Variants in SNW1 observed in about 807,000 individuals in gnomAD.
The protein encoded by SNW1 is SNW domain containing 1.
In SNW1, 9 loss-of-function variants were observed where a neutral mutation model predicts 75.6. That is an observed-to-expected ratio of 0.12 (90% CI 0.07 to 0.21). The LOEUF (loss-of-function observed/expected upper bound fraction) is 0.21, where lower values mean the gene tolerates loss of function less well. SNW1 is among the 10% of genes least tolerant of loss of function. SNW1 has a pLI of 1.00. For missense variants in SNW1, 409 were observed against 670.9 expected (o/e 0.61, Z 4.31); for synonymous variants, 200 against 219.1 (o/e 0.91, Z 0.77).
At chr14:77,740,262 C>G (rs549476224) in intron 3 of SNW1, among the ~76,000 whole-genome samples, 18 of 149,824 alleles carry the variant, frequency 1.2e-4, no homozygotes, top group Non-Finnish European at 1.5e-4. Context: ...TTATAAATAT[C>G]AAAGAAAATC....
intron 2 of SNW1, among the ~76,000 whole-genome samples, chr14:77,753,579 CA>C (rs1297038639): frequency 6.6e-6 from 1 of 152,080 alleles, no homozygotes; most frequent in African/African-American, 2.4e-5. Flanking sequence ...AAAAAAGCAA[CA>C]AAAAGACCTA....
chr14:77,737,991 CAAAA>C (rs35896717), intron 5 of SNW1, among the ~76,000 whole-genome samples: 2 of 74,164 alleles, frequency 2.7e-5, no homozygotes, highest in Non-Finnish European at 4.7e-5. Context: ...GACTCCATCT[CAAAA>C]AAAAAAAAAA....
chr14:77,745,242 T>C (rs79215214), intron 3 of SNW1, among the ~76,000 whole-genome samples: 3,163 of 152,156 alleles, frequency 0.021, 102 homozygotes, highest in African/African-American at 0.07. Context: ...CACCCTGGAA[T>C]AGTGAAGAGT....
At chr14:77,733,766 A>C (rs1223021686) in intron 8 of SNW1, among the ~76,000 whole-genome samples, 2 of 148,552 alleles carry the variant, frequency 1.3e-5, no homozygotes, top group Non-Finnish European at 1.5e-5. Context: ...AAAAAAAAAA[A>C]AACCAAAGAA....
intron 3 of SNW1, among the ~76,000 whole-genome samples, chr14:77,750,235 T>C (rs2139928300): frequency 6.6e-6 from 1 of 151,984 alleles, no homozygotes; most frequent in East Asian, 1.9e-4. Flanking sequence ...AAAAAAAGAT[T>C]AGGCTTAGAC....
chr14:77,754,889 CATTTAA>C, intron 2 of SNW1, 72 bp downstream of exon 2: 1 of 1,287,198 alleles, frequency 7.8e-7, no homozygotes. Flanking sequence ...GAGGTTCTAA[CATTTAA>C]ATTTATGTTA....
At chr14:77,753,581 A>G (rs1400010112) in intron 2 of SNW1, among the ~76,000 whole-genome samples, 1 of 152,156 alleles carries the variant, frequency 6.6e-6, no homozygotes, top group Admixed American at 6.5e-5. Context: ...AAAAGCAACA[A>G]AAAGACCTAC....
chr14:77,746,989 A>G (rs1196101312), intron 3 of SNW1, among the ~76,000 whole-genome samples: 1 of 140,210 alleles, frequency 7.1e-6, no homozygotes, highest in African/African-American at 2.7e-5. Context: ...CTGTGCTGCC[A>G]CCATCTCGGC....
At chr14:77,729,926 A>G (rs78805426) in intron 10 of SNW1, among the ~76,000 whole-genome samples, 5,522 of 152,244 alleles carry the variant, frequency 0.036, 146 homozygotes, top group South Asian at 0.054. Flanking sequence ...AGGGCCATAC[A>G]TGATCTGGCC....
At chr14:77,723,647 G>A (rs1007919402) in intron 10 of SNW1, among the ~76,000 whole-genome samples, 7 of 152,194 alleles carry the variant, frequency 4.6e-5, no homozygotes, top group Admixed American at 1.3e-4. Flanking sequence ...ACTGCACTCA[G>A]CCCCATTAGT....
chr14:77,751,545 C>A, intron 2 of SNW1, 65 bp from the exon 3 acceptor site: 1 of 1,319,074 alleles, frequency 7.6e-7, no homozygotes, highest in Non-Finnish European at 1.0e-6. Context: ...TATATTCATT[C>A]ATTCAACAAG....
chr14:77,757,919 C>CATCTATCT (rs71128671), intron 1 of SNW1, among the ~76,000 whole-genome samples: 9,309 of 147,618 alleles, frequency 0.063, 347 homozygotes, highest in African/African-American at 0.097. Flanking sequence ...TCAATCTAAT[C>CATCTATCT]ATCTATCTAT....
intron 2 of SNW1, among the ~76,000 whole-genome samples, 165 bp from the exon 3 acceptor site, chr14:77,751,645 T>TAAA (rs1296272640): frequency 6.6e-6 from 1 of 152,088 alleles, no homozygotes; most frequent in Non-Finnish European, 1.5e-5. Flanking sequence ...GGCAAAGATA[T>TAAA]AAAAAACACA....
intron 11 of SNW1, chr14:77,722,510 G>C (rs2080549703): frequency 2.2e-6 from 1 of 455,584 alleles, no homozygotes; most frequent in Admixed American, 2.4e-5. Flanking sequence ...GTCTAAAGAG[G>C]CACATAATCC....
At chr14:77,756,127 CT>C (rs902110181) in intron 1 of SNW1, among the ~76,000 whole-genome samples, 34 of 147,746 alleles carry the variant, frequency 2.3e-4, no homozygotes, top group Admixed American at 2.7e-4. Flanking sequence ...TCTTATACTC[CT>C]TTTTTTTTTT....
Position 77,717,774 on chromosome 14 carries a change from T to C in SNW1, c.*314A>G. The stretch of plus-strand genomic sequence containing the variant: ...GGGTAACTTTACTCATATGCAGCTG[T>C]TCTTACACAAAACATTAACCCCAAA... On this transcript the variant is annotated 3_prime_UTR_variant, in exon 14 of 14. Coordinates refer to ENST00000261531, the MANE Select transcript of SNW1 (RefSeq NM_012245.3). 1 of 600,760 alleles carries C rather than the reference T, an allele frequency of 1.7e-6. No individual in the cohort carries two copies. The highest frequency in any genetic ancestry group is 2.9e-6 in the Non-Finnish European group (1 of 341,846). 37.2% of individuals were successfully genotyped at this position (600,760 alleles called of 1,614,324 possible). A position where few individuals can be genotyped will look rare whatever the true frequency, so the allele number is the denominator to read the frequency against.
At chr14:77,748,639 T>A (rs2080783425) in intron 3 of SNW1, among the ~76,000 whole-genome samples, 1 of 151,830 alleles carries the variant, frequency 6.6e-6, no homozygotes, top group Admixed American at 6.6e-5. Context: ...CAGGCTGGAG[T>A]GCGGTGGTGC....
At chr14:77,733,996 CA>C in intron 8 of SNW1, 1 of 425,902 alleles carries the variant, frequency 2.3e-6, no homozygotes, top group Non-Finnish European at 4.7e-6. Flanking sequence ...CATCCAGTTA[CA>C]AAATACCAAT....
chr14:77,760,756 C>T (rs1241046040), intron 1 of SNW1: 1 of 703,288 alleles, frequency 1.4e-6, no homozygotes, highest in East Asian at 2.7e-5. Flanking sequence ...TTCACTCCGC[C>T]CAAATAAGCC....
Sources: allele counts gnomAD v4.1 joint callset (sites outside exome capture counted in the v4.1 genomes callset), GRCh38; gene constraint gnomAD v4.1.1; transcripts MANE v1.5; gene names NCBI Gene and HGNC (gene_info 2026-07-23, HGNC 2026-07-21).